Variants in CTNNA2 observed in about 807,000 individuals in gnomAD.
CTNNA2 encodes catenin alpha-2.
A neutral mutation model predicts 101.0 loss-of-function variants in CTNNA2; 42 were observed. The observed-to-expected ratio is 0.42, with a 90% CI of 0.32 to 0.54. The LOEUF is 0.54. CTNNA2 is among the 20% of genes least tolerant of loss of function. The pLI is 0.14. For missense variants in CTNNA2, 871 were observed against 1,223.1 expected (o/e 0.71, Z 4.29); for synonymous variants, 450 against 456.4 (o/e 0.99, Z 0.18).
At chr2:79,507,917 C>T (rs996989697) in intron 5 of CTNNA2, among the ~76,000 whole-genome samples, 13 of 152,216 alleles carry the variant, frequency 8.5e-5, no homozygotes, top group Admixed American at 2.0e-4. Context: ...ACCCAGCACA[C>T]GCCAATACAA....
intron 3 of CTNNA2, among the ~76,000 whole-genome samples, chr2:79,362,894 T>G (rs1478429665): frequency 6.6e-6 from 1 of 152,228 alleles, no homozygotes; most frequent in East Asian, 1.9e-4. Context: ...GACTGGGGAC[T>G]ATTTGTTACC....
intron 17 of CTNNA2, among the ~76,000 whole-genome samples, chr2:80,611,134 G>GA (rs1255488889): frequency 6.6e-6 from 1 of 151,428 alleles, no homozygotes; most frequent in Non-Finnish European, 1.5e-5. Flanking sequence ...TAATGGAAAA[G>GA]AAAAAATATG....
intron 7 of CTNNA2, among the ~76,000 whole-genome samples, chr2:80,105,708 TG>T (rs1278324351): frequency 6.6e-6 from 1 of 151,930 alleles, no homozygotes; most frequent in Non-Finnish European, 1.5e-5. Context: ...CACTCCACCT[TG>T]GGCAACAGAG....
At chr2:79,819,066 G>A (rs1057459627) in intron 3 of CTNNA2, among the ~76,000 whole-genome samples, 6 of 149,036 alleles carry the variant, frequency 4.0e-5, no homozygotes, top group Non-Finnish European at 8.9e-5. Flanking sequence ...TGCAACCCCT[G>A]CCTCCCAGGT....
At chr2:80,439,960 G>A (rs1407702501) in intron 9 of CTNNA2, among the ~76,000 whole-genome samples, 2 of 152,132 alleles carry the variant, frequency 1.3e-5, no homozygotes, top group Non-Finnish European at 2.9e-5. Context: ...TACTCTTGGG[G>A]AGCTTAATTC....
intron 7 of CTNNA2, among the ~76,000 whole-genome samples, chr2:80,367,832 T>G (rs1227140751): frequency 6.6e-6 from 1 of 152,158 alleles, no homozygotes; most frequent in African/African-American, 2.4e-5. Flanking sequence ...GGTTTGTTTT[T>G]ATCATTCAGC....
chr2:80,648,686 G>A lies in CTNNA2; in HGVS notation c.*814G>A, dbSNP rs991578602. 5.9e-5 allele frequency: 9 copies of A among 152,216 alleles called. No homozygotes were observed. The highest frequency in any genetic ancestry group is 1.4e-4 in the African/African-American group (6 of 41,542). The allele number at this position is 152,216 out of a possible 1,614,324, so 9.4% of individuals were successfully genotyped here. A position where few individuals can be genotyped will look rare whatever the true frequency, so the allele number is the denominator to read the frequency against. ...GGAAGGAAACTGACAACGTGTGAAA[G>A]TTAGAGGCAAATACATAGGTGTAGC... On this transcript the variant is annotated 3_prime_UTR_variant, in exon 19 of 19. Coordinates refer to ENST00000402739, the MANE Select transcript of CTNNA2 (RefSeq NM_001282597.3).
chr2:79,741,968 C>CT (rs35006355), intron 2 of CTNNA2, among the ~76,000 whole-genome samples: 29,261 of 152,074 alleles, frequency 0.19, 2,922 homozygotes, highest in African/African-American at 0.22. Context: ...CCATTTGTCT[C>CT]TTTTCCCTTT....
At chr2:80,141,143 G>T (rs368595552) in intron 7 of CTNNA2, among the ~76,000 whole-genome samples, 1 of 152,100 alleles carries the variant, frequency 6.6e-6, no homozygotes, top group African/African-American at 2.4e-5. Flanking sequence ...ATAGGCAGGA[G>T]CCTGCCTCAG....
At chr2:80,425,079 C>T (rs1680876619) in intron 9 of CTNNA2, among the ~76,000 whole-genome samples, 1 of 152,122 alleles carries the variant, frequency 6.6e-6, no homozygotes, top group African/African-American at 2.4e-5. Context: ...TTAGCAAATC[C>T]CGGCGAGGGT....
chr2:79,491,168 A>G (rs1439802765), intron 4 of CTNNA2, among the ~76,000 whole-genome samples: 1 of 152,112 alleles, frequency 6.6e-6, no homozygotes, highest in Non-Finnish European at 1.5e-5. Flanking sequence ...CGCTTCTTGT[A>G]AGTTCATTGT....
At chr2:80,290,801 G>A (rs931876345) in intron 7 of CTNNA2, among the ~76,000 whole-genome samples, 4 of 151,486 alleles carry the variant, frequency 2.6e-5, no homozygotes, top group Admixed American at 6.6e-5. Flanking sequence ...CTATGAATTC[G>A]GTAAAAAGAA....
chr2:80,074,554 A>G (rs17018588), intron 7 of CTNNA2, among the ~76,000 whole-genome samples: 8,085 of 152,180 alleles, frequency 0.053, 693 homozygotes, highest in African/African-American at 0.18. Context: ...GGGCTTATAC[A>G]TGGCAAGATA....
intron 4 of CTNNA2, among the ~76,000 whole-genome samples, chr2:79,458,576 T>G (rs1170429381): frequency 6.6e-6 from 1 of 152,182 alleles, no homozygotes; most frequent in Non-Finnish European, 1.5e-5. Flanking sequence ...TAGTTCACCC[T>G]AGCACGAGCC....
intron 2 of CTNNA2, among the ~76,000 whole-genome samples, chr2:79,260,809 G>A (rs1033484436): frequency 2.0e-5 from 3 of 152,168 alleles, no homozygotes; most frequent in Non-Finnish European, 2.9e-5. Context: ...GTCCCACCAC[G>A]GTCACAGCTG....
intron 7 of CTNNA2, among the ~76,000 whole-genome samples, chr2:80,272,273 C>T (rs1341812866): frequency 3.3e-5 from 5 of 152,118 alleles, no homozygotes; most frequent in Non-Finnish European, 7.3e-5. Flanking sequence ...TCTAGAAATG[C>T]CCCACTCAGG....
chr2:79,890,778 G>A (rs1409390200), intron 6 of CTNNA2, among the ~76,000 whole-genome samples: 1 of 147,376 alleles, frequency 6.8e-6, no homozygotes, highest in Non-Finnish European at 1.5e-5. Flanking sequence ...ATAAACAATG[G>A]TAATTTATTG....
At chr2:80,470,727 G>A (rs1482676668) in intron 9 of CTNNA2, among the ~76,000 whole-genome samples, 1 of 152,080 alleles carries the variant, frequency 6.6e-6, no homozygotes, top group Non-Finnish European at 1.5e-5. Context: ...GAAACCTGAG[G>A]AATAGAGAAA....
intron 7 of CTNNA2, among the ~76,000 whole-genome samples, chr2:80,381,367 G>C (rs1676499236): frequency 6.6e-6 from 1 of 152,106 alleles, no homozygotes; most frequent in Non-Finnish European, 1.5e-5. Context: ...TGTTTTAACT[G>C]TTCATATAAT....
Sources: gnomAD v4.1 joint callset for allele counts (sites outside exome capture counted in the v4.1 genomes callset) on GRCh38, gnomAD v4.1.1 for gene constraint, MANE v1.5 for transcripts, NCBI Gene and HGNC (gene_info 2026-07-23, HGNC 2026-07-21) for gene names.